SCFD1: variants seen among roughly 807,000 people sequenced by gnomAD.
SCFD1 encodes the protein sec1 family domain-containing protein 1.
SCFD1 carries 37 observed loss-of-function variants against 103.2 expected under a neutral mutation model. The ratio of observed to expected loss-of-function variants is 0.36; its 90% CI spans 0.28 to 0.47. SCFD1 has a LOEUF of 0.47. Among genes scored for constraint, SCFD1 ranks in the 20% least tolerant of loss-of-function variants. The pLI is 1.00. For missense variants in SCFD1, 639 were observed against 761.2 expected, an observed-to-expected ratio of 0.84 and a Z score of 1.89; for synonymous variants, 264 against 245.0, an observed-to-expected ratio of 1.08 and a Z score of -0.73.
At chr14:30,722,695 T>G in intron 23 of SCFD1, 136 bp downstream of exon 23, 2 of 456,006 alleles carry the variant, frequency 4.4e-6, no homozygotes, top group Non-Finnish European at 7.6e-6. Context: ...ATATATGATT[T>G]TTAAATGTTT....
At chr14:30,626,161 A>T (rs1254216243) in intron 1 of SCFD1, among the ~76,000 whole-genome samples, 1 of 151,366 alleles carries the variant, frequency 6.6e-6, no homozygotes, top group African/African-American at 2.4e-5. Context: ...TTTATATTAA[A>T]TATATTTAAT....
chr14:30,706,852 C>T (rs572191497), intron 18 of SCFD1, among the ~76,000 whole-genome samples: 1 of 152,196 alleles, frequency 6.6e-6, no homozygotes, highest in South Asian at 2.1e-4. Flanking sequence ...AAAACAAAAG[C>T]ACTCAGCCTT....
intron 1 of SCFD1, among the ~76,000 whole-genome samples, chr14:30,625,594 T>G (rs1048499276): frequency 4.1e-5 from 3 of 73,552 alleles, no homozygotes; most frequent in East Asian, 5.7e-4. Context: ...AACAAATCCT[T>G]TTTGTTATAG....
intron 4 of SCFD1, among the ~76,000 whole-genome samples, chr14:30,636,496 A>G (rs1884736842): frequency 6.6e-6 from 1 of 152,028 alleles, no homozygotes; most frequent in Admixed American, 6.6e-5. Flanking sequence ...TTCTTTCCCT[A>G]GTGAATGGTC....
chr14:30,635,588 A>G (rs1194163668), intron 4 of SCFD1, among the ~76,000 whole-genome samples: 1 of 152,178 alleles, frequency 6.6e-6, no homozygotes, highest in Non-Finnish European at 1.5e-5. Context: ...ATGAATTGGT[A>G]CCTTATTCCT....
chr14:30,671,246 C>T (rs560178916), intron 11 of SCFD1, among the ~76,000 whole-genome samples: 10 of 151,938 alleles, frequency 6.6e-5, no homozygotes, highest in Non-Finnish European at 1.2e-4. Flanking sequence ...ATCAAATCGC[C>T]ATAACAAAGA....
intron 10 of SCFD1, among the ~76,000 whole-genome samples, chr14:30,662,896 C>T (rs781509678): frequency 1.1e-4 from 17 of 152,130 alleles, no homozygotes; most frequent in Non-Finnish European, 2.2e-4. Flanking sequence ...TTTGGGGCAC[C>T]TTTGTCCTAT....
At chr14:30,673,138 T>C (rs1888705855) in intron 11 of SCFD1, 119 bp from the exon 12 acceptor site, 1 of 468,110 alleles carries the variant, frequency 2.1e-6, no homozygotes, top group Non-Finnish European at 3.9e-6. Flanking sequence ...ATATAACATA[T>C]ATTCAAATCC....
rs140745055 is a variant in SCFD1, at chr14:30,653,532, T to A, written c.799T>A (p.Leu267Met). The change falls in exon 10 of 25, where the codon TTG becomes ATG. Residue 267 changes from leucine (L) to methionine (M), a missense_variant. Physicochemically the swap from Leu to Met is conservative, Grantham distance 15 (BLOSUM62 2). Transcript: ENST00000458591. ...AGTCCTTGTTGACAGAAACATAGAT[T>A]TGGCAACTCCTTTACATCATACTTG... ...LLVLVDRNID[L>M]ATPLHHTWTY... 5.0e-6 allele frequency: 8 copies of A among 1,613,854 alleles called. No homozygotes were observed. Among genetic ancestry groups the A allele is most frequent in the Non-Finnish European group, 6.8e-6 (8 of 1,179,824 alleles).
intron 14 of SCFD1, among the ~76,000 whole-genome samples, chr14:30,678,784 A>G (rs1228689445): frequency 2.0e-5 from 3 of 152,302 alleles, no homozygotes; most frequent in East Asian, 1.9e-4. Context: ...GCTCCAACCA[A>G]CCGGATATAG....
intron 16 of SCFD1, among the ~76,000 whole-genome samples, 183 bp downstream of exon 16, chr14:30,700,441 G>A (rs1891002635): frequency 6.6e-6 from 1 of 152,222 alleles, no homozygotes; most frequent in African/African-American, 2.4e-5. Context: ...GGGAGGCCGA[G>A]GCAGGCAGAT....
At chr14:30,694,521 C>T (rs1044785614) in intron 14 of SCFD1, among the ~76,000 whole-genome samples, 9 of 151,652 alleles carry the variant, frequency 5.9e-5, no homozygotes, top group East Asian at 1.9e-4. Flanking sequence ...AAAAAAAATA[C>T]GGAAAAATTA....
chr14:30,683,421 C>T, intron 14 of SCFD1: 1 of 524,266 alleles, frequency 1.9e-6, no homozygotes, highest in Non-Finnish European at 3.7e-6. Context: ...GGCCCCTACC[C>T]ATGTGAAAAG....
chr14:30,669,287 CTAAGA>C (rs1888314927), intron 10 of SCFD1, among the ~76,000 whole-genome samples: 1 of 152,004 alleles, frequency 6.6e-6, no homozygotes, highest in Admixed American at 6.6e-5. Flanking sequence ...TACCTTAGAA[CTAAGA>C]TAATTATATT....
chr14:30,627,885 A>C (rs1334345246), intron 1 of SCFD1, among the ~76,000 whole-genome samples: 1 of 150,712 alleles, frequency 6.6e-6, no homozygotes, highest in African/African-American at 2.4e-5. Context: ...GACTTACCTT[A>C]ATCTATGCTT....
At chr14:30,638,881 C>G (rs1013793329) in intron 5 of SCFD1, among the ~76,000 whole-genome samples, 5 of 152,144 alleles carry the variant, frequency 3.3e-5, no homozygotes, top group African/African-American at 4.8e-5. Flanking sequence ...AGACAACTAT[C>G]TAGGACAAAT....
At chr14:30,704,459 A>C (rs1030419608) in intron 17 of SCFD1, among the ~76,000 whole-genome samples, 4 of 152,216 alleles carry the variant, frequency 2.6e-5, no homozygotes, top group African/African-American at 9.6e-5. Flanking sequence ...TAAATCATAT[A>C]AATATACTGT....
intron 6 of SCFD1, among the ~76,000 whole-genome samples, chr14:30,642,240 A>AC (rs1885354214): frequency 6.6e-6 from 1 of 152,082 alleles, no homozygotes; most frequent in Non-Finnish European, 1.5e-5. Flanking sequence ...GGTGTGTGCC[A>AC]CCACACCTGG....
intron 14 of SCFD1, among the ~76,000 whole-genome samples, chr14:30,675,927 G>A (rs772468009): frequency 4.6e-5 from 7 of 152,080 alleles, no homozygotes; most frequent in Non-Finnish European, 1.0e-4. Flanking sequence ...TTACTATTAC[G>A]CCAACAACCT....
Sources: allele counts gnomAD v4.1 joint callset (sites outside exome capture counted in the v4.1 genomes callset), GRCh38; gene constraint gnomAD v4.1.1; transcripts MANE v1.5; gene names NCBI Gene and HGNC (gene_info 2026-07-23, HGNC 2026-07-21).